The following INPP5D variants were observed in gnomAD, a reference collection of about 807,000 sequenced individuals.
INPP5D encodes the protein phosphatidylinositol 3,4,5-trisphosphate 5-phosphatase 1.
A neutral mutation model predicts 122.9 loss-of-function variants in INPP5D; 33 were observed. The ratio of observed to expected loss-of-function variants is 0.27; its 90% CI spans 0.20 to 0.36. INPP5D has a LOEUF of 0.36. Ranked by LOEUF, INPP5D falls within the 10% of genes least tolerant of loss-of-function variation. The pLI is 1.00. For synonymous variants in INPP5D, 584 were observed against 576.2 expected, an observed-to-expected ratio of 1.01 and a Z score of -0.19; for missense variants, 1,053 against 1,412.7, an observed-to-expected ratio of 0.75 and a Z score of 4.08.
Position 233,185,824 on chromosome 2 carries a change from C to A in INPP5D, c.2276-19C>A. 1 of 1,585,720 alleles carries A rather than the reference C, an allele frequency of 6.3e-7. No individual in the cohort carries two copies. Among genetic ancestry groups the A allele is most frequent in the East Asian group, 2.3e-5 (1 of 43,692 alleles). ...TCTTGCTCTGTTTTCTGAAAACCAG[C>A]CTTTTTGTCCTCCAACAGGTTTTGT... On this transcript the variant is annotated intron_variant, in intron 20 of 26. Transcript: ENST00000445964.
At position 233,206,271 on chromosome 2, in the gene INPP5D, A is replaced by ATATATT. The variant is rs1251726361; in HGVS notation, c.3568-425_3568-420dup. On this transcript the variant is annotated intron_variant, in intron 26 of 26. Transcript: ENST00000445964. This position sits in a 1 kb window ranked among gnomAD's most constrained non-coding sequence, Gnocchi z 4.0. ...ATGTATTATCATCTATATAGAAATT[A>ATATATT]TATATTTATATTTATGTATTTACAT... Among the ~76,000 whole-genome samples the ATATATT allele has an allele frequency of 2.0e-5, 3 of 151,750 alleles. No individual in the cohort carries two copies. Among genetic ancestry groups the ATATATT allele is most frequent in the Non-Finnish European group, 2.9e-5 (2 of 67,960 alleles).
In INPP5D at chr2:233,146,290, C is replaced by G. The variant is rs1238393381; in HGVS notation, c.834+48C>G. 4.3e-6 allele frequency: 3 copies of G among 704,286 alleles called. No homozygotes were observed. In the East Asian group the frequency reaches 8.0e-5, roughly 19 times the overall value. The allele number at this position is 704,286 out of a possible 1,614,324, so 43.6% of individuals were successfully genotyped here. A position where few individuals can be genotyped will look rare whatever the true frequency, so the allele number is the denominator to read the frequency against. ...TTCTCTTGGTCTCCTCTTTGGTCCC[C>G]TCTTTGCATGGAGAATGCCCAGATG... On this transcript the variant is annotated intron_variant, in intron 7 of 26. Coordinates refer to ENST00000445964, the MANE Select transcript of INPP5D (RefSeq NM_001017915.3).
chr2:233,200,300 C>T (rs1382688888), intron 25 of INPP5D, among the ~76,000 whole-genome samples: 1 of 152,236 alleles, frequency 6.6e-6, no homozygotes, highest in Non-Finnish European at 1.5e-5. Context: ...GGGAGCTCTA[C>T]ATGTTTCTAG....
At chr2:233,091,661 A>C (rs1343533792) in intron 2 of INPP5D, among the ~76,000 whole-genome samples, 1 of 152,160 alleles carries the variant, frequency 6.6e-6, no homozygotes, top group African/African-American at 2.4e-5. Context: ...ATAATTCAGG[A>C]TCCTCTCCCA....
intron 10 of INPP5D, 114 bp from the exon 11 acceptor site, chr2:233,161,610 T>A: frequency 7.2e-7 from 1 of 1,384,972 alleles, no homozygotes; most frequent in Non-Finnish European, 9.6e-7. Flanking sequence ...GTCCTGGAAG[T>A]TCACACTGAT....
At chr2:233,104,932 A>G (rs543817869) in intron 2 of INPP5D, among the ~76,000 whole-genome samples, 3 of 152,290 alleles carry the variant, frequency 2.0e-5, no homozygotes, top group African/African-American at 7.2e-5. Flanking sequence ...TTTCAGGTGA[A>G]GTCTCACCTC....
intron 2 of INPP5D, among the ~76,000 whole-genome samples, chr2:233,114,994 A>G (rs1178660162): frequency 6.6e-6 from 1 of 151,890 alleles, no homozygotes; most frequent in Non-Finnish European, 1.5e-5. Flanking sequence ...CAGCCTCCCA[A>G]GTATCTGGGA....
Position 233,194,576 on chromosome 2 carries a change from C to A in INPP5D, c.2596+615C>A, listed in dbSNP as rs1009231922. 4.0e-5 allele frequency among the ~76,000 whole-genome samples: 6 copies of A among 150,684 alleles called. No individual in the cohort carries two copies. In the East Asian group the frequency reaches 1.2e-3, roughly 29 times the overall value. On this transcript the variant is annotated intron_variant, in intron 23 of 26. Transcript: ENST00000445964. The stretch of plus-strand genomic sequence containing the variant: ...GCAGTGGCACGATCTCAGCTCACTG[C>A]AACCTCCACTTCTGGGGTTCAAGTG...
intron 2 of INPP5D, among the ~76,000 whole-genome samples, chr2:233,079,763 G>A (rs1334629357): frequency 6.6e-6 from 1 of 152,158 alleles, no homozygotes; most frequent in African/African-American, 2.4e-5. Context: ...AGGGAGAGAA[G>A]GGAGGTGAAC....
chr2:233,065,663 T>TGAGACAGAGTCTCGC (rs1691202314), intron 1 of INPP5D, among the ~76,000 whole-genome samples: 2 of 93,220 alleles, frequency 2.1e-5, no homozygotes, highest in African/African-American at 4.1e-5. Flanking sequence ...TTTTTTTTTT[T>TGAGACAGAGTCTCGC]TGAGACAGAG....
At chr2:233,168,005 CAAAAAAAAAA>C (rs58025565) in intron 13 of INPP5D, among the ~76,000 whole-genome samples, 1 of 72,712 alleles carries the variant, frequency 1.4e-5, no homozygotes, top group Non-Finnish European at 2.5e-5. Flanking sequence ...ACTCTGTCTC[CAAAAAAAAAA>C]AAAAAAAAAA....
In INPP5D at chr2:233,130,643, C is replaced by CTATGGG; in HGVS notation, c.663_665+3dup. On this transcript the variant is annotated inframe_insertion, in exon 5 of 27. Transcript: ENST00000445964. ...TGACCACACTGCTCTGCAAGGAGCT[C>CTATGGG]TATGGGTAATGGCTGGCCCACGGGG... 6.2e-7 allele frequency: 1 copy of CTATGGG among 1,613,936 alleles called. No homozygotes were observed. Among genetic ancestry groups the CTATGGG allele is most frequent in the South Asian group, 1.1e-5 (1 of 91,076 alleles).
At chr2:233,184,871 G>A (rs141510283) in intron 20 of INPP5D, among the ~76,000 whole-genome samples, 1 of 152,092 alleles carries the variant, frequency 6.6e-6, no homozygotes, top group African/African-American at 2.4e-5. Context: ...GTTGGGCCCA[G>A]GTCCAGACCT....
In INPP5D at chr2:233,118,387, G is replaced by A. The variant is rs186614526; in HGVS notation, c.199-3720G>A. 4.6e-5 allele frequency among the ~76,000 whole-genome samples: 7 copies of A among 152,228 alleles called. No homozygotes were observed. In the East Asian group the frequency reaches 1.2e-3, roughly 25 times the overall value. ...AGACCATGCTCCTCACCACCCACCC[G>A]TCTAGACCACGCTCCCCACCCCTCC... On this transcript the variant is annotated intron_variant, in intron 2 of 26. Coordinates refer to ENST00000445964, the MANE Select transcript of INPP5D (RefSeq NM_001017915.3).
rs1693597945 is a variant in INPP5D, at chr2:233,139,845, A to T, written c.669A>T (p.Glu223Asp). ...TTLLCKELYG[E>D]VIRTLPSLES... The stretch of plus-strand genomic sequence containing the variant: ...TCACCTTGTCCCCTGCCCCCAGAGA[A>T]GTCATCCGGACCCTCCCATCCCTGG... Residue 223 changes from glutamate to aspartate, a missense_variant, in exon 6 of 27, where the codon GAA becomes GAT. Transcript: ENST00000445964. The T allele has an allele frequency of 2.5e-6, 1 of 398,628 alleles. No individual in the cohort carries two copies. Among genetic ancestry groups the T allele is most frequent in the East Asian group, 3.6e-5 (1 of 28,068 alleles). 24.7% of individuals were successfully genotyped at this position (398,628 alleles called of 1,614,324 possible). A position where few individuals can be genotyped will look rare whatever the true frequency, so the allele number is the denominator to read the frequency against.
intron 3 of INPP5D, 143 bp from the exon 4 acceptor site, chr2:233,125,602 C>T (rs1693132880): frequency 1.4e-6 from 1 of 739,344 alleles, no homozygotes; most frequent in Non-Finnish European, 2.2e-6. Flanking sequence ...GCTCTCCCTC[C>T]AGGAGGGAGT....
chr2:233,193,763 C>G lies in INPP5D; in HGVS notation c.2447-49C>G, dbSNP rs768826377. 136 of 1,612,578 alleles carry G rather than the reference C, an allele frequency of 8.4e-5. 2 individuals are homozygous for G. In the South Asian group the frequency reaches 1.4e-3, roughly 17 times the overall value. On this transcript the variant is annotated intron_variant, in intron 22 of 26. Coordinates refer to ENST00000445964, the MANE Select transcript of INPP5D (RefSeq NM_001017915.3). ...TCCGGCCAAGAGTTTGGTGTTTCTG[C>G]CATGAAAAGGCAGGGTCTTCACCCA...
rs1694253051 is a variant in INPP5D at position 233,163,777 on chromosome 2, C to T, written c.1311C>T (p.Asp437=). ...AGGGGCAGGGAAAGACGCGGGACGA[C>T]TCTGCGGACTACATCCCCCATGACA... ...LSKGQGKTRD[D]SADYIPHDIY... The change falls in exon 12 of 27, where the codon GAC becomes GAT. Residue 437 remains aspartate, a synonymous_variant. Coordinates refer to ENST00000445964, the MANE Select transcript of INPP5D (RefSeq NM_001017915.3). The T allele has an allele frequency of 1.2e-6, 2 of 1,613,886 alleles. No individual in the cohort carries two copies. The highest frequency in any genetic ancestry group is 1.3e-5 in the African/African-American group (1 of 74,918).
intron 9 of INPP5D, among the ~76,000 whole-genome samples, chr2:233,152,819 G>A (rs1051924230): frequency 2.0e-5 from 3 of 152,020 alleles, no homozygotes; most frequent in South Asian, 2.1e-4. Flanking sequence ...ACCAGCTCAC[G>A]TTTCCTTCCA....
Sources: gnomAD v4.1 joint callset for allele counts (sites outside exome capture counted in the v4.1 genomes callset) on GRCh38, gnomAD v4.1.1 for gene constraint, Gnocchi (gnomAD v3.1) non-coding constraint, MANE v1.5 for transcripts, NCBI Gene and HGNC (gene_info 2026-07-23, HGNC 2026-07-21) for gene names.